Variants in IGF2BP2 observed in about 807,000 individuals in gnomAD.
The protein encoded by IGF2BP2 is insulin like growth factor 2 mRNA binding protein 2.
IGF2BP2 carries 17 observed loss-of-function variants against 75.8 expected under a neutral mutation model. The observed-to-expected ratio is 0.22, with a 90% confidence interval of 0.15 to 0.34. The LOEUF (loss-of-function observed/expected upper bound fraction) is 0.34, where lower values mean the gene tolerates loss of function less well. IGF2BP2 is among the 10% of genes least tolerant of loss of function. The pLI is 1.00. For synonymous variants in IGF2BP2, 288 were observed against 295.6 expected (o/e 0.97, Z 0.26); for missense variants, 516 against 772.4 (o/e 0.67, Z 3.93).
chr3:185,788,826 C>T (rs1013662021), intron 2 of IGF2BP2, among the ~76,000 whole-genome samples: 4 of 151,258 alleles, frequency 2.6e-5, no homozygotes, highest in Non-Finnish European at 4.4e-5. Flanking sequence ...AGTAATTCTG[C>T]CTCAGCCTCC....
chr3:185,730,616 T>C (rs1051293101), intron 2 of IGF2BP2, among the ~76,000 whole-genome samples: 1 of 152,014 alleles, frequency 6.6e-6, no homozygotes, highest in Non-Finnish European at 1.5e-5. Flanking sequence ...GTATTTTTAG[T>C]AGAGACCGGG....
intron 2 of IGF2BP2, among the ~76,000 whole-genome samples, chr3:185,807,006 T>C (rs1739112238): frequency 6.6e-6 from 1 of 152,226 alleles, no homozygotes; most frequent in Non-Finnish European, 1.5e-5. Flanking sequence ...TTTCCTCTTG[T>C]AGATCATGGC....
intron 7 of IGF2BP2, among the ~76,000 whole-genome samples, chr3:185,683,889 G>A (rs1004539308): frequency 1.1e-4 from 17 of 152,174 alleles, no homozygotes; most frequent in Admixed American, 7.9e-4. Flanking sequence ...GCTGAGGAAC[G>A]TAGAGCAGAA....
intron 2 of IGF2BP2, chr3:185,813,929 C>CACTTTT (rs1740256878): frequency 6.6e-6 from 1 of 152,276 alleles, no homozygotes; most frequent in South Asian, 2.1e-4. Context: ...GGTGTGAGGC[C>CACTTTT]TTAGAGAAAG....
intron 2 of IGF2BP2, among the ~76,000 whole-genome samples, chr3:185,748,936 G>A (rs184592290): frequency 3.9e-5 from 6 of 152,350 alleles, no homozygotes; most frequent in Admixed American, 2.0e-4. Context: ...GGCCGAGGCA[G>A]GCTGATCACT....
At chr3:185,781,056 A>C (rs1250534981) in intron 2 of IGF2BP2, among the ~76,000 whole-genome samples, 2 of 152,140 alleles carry the variant, frequency 1.3e-5, no homozygotes, top group Non-Finnish European at 2.9e-5. Flanking sequence ...TAATATGTAC[A>C]CTTTGGGGCT....
intron 2 of IGF2BP2, among the ~76,000 whole-genome samples, chr3:185,701,926 A>G (rs543508865): frequency 1.3e-5 from 2 of 152,252 alleles, no homozygotes; most frequent in East Asian, 3.9e-4. Context: ...TCTGGACAGT[A>G]TGCCTTCTCA....
chr3:185,772,308 T>C (rs1017836682), intron 2 of IGF2BP2, among the ~76,000 whole-genome samples: 5 of 152,202 alleles, frequency 3.3e-5, no homozygotes, highest in African/African-American at 1.2e-4. Context: ...TTTTATTCAG[T>C]GGGCTGTTCT....
At chr3:185,648,010 C>T (rs1402495847) in intron 14 of IGF2BP2, among the ~76,000 whole-genome samples, 2 of 152,256 alleles carry the variant, frequency 1.3e-5, no homozygotes, top group Non-Finnish European at 2.9e-5. Flanking sequence ...TACATTCCAG[C>T]TCCGCCTAAA....
At chr3:185,803,546 G>A (rs1578361436) in intron 2 of IGF2BP2, among the ~76,000 whole-genome samples, 1 of 152,088 alleles carries the variant, frequency 6.6e-6, no homozygotes, top group Non-Finnish European at 1.5e-5. Flanking sequence ...TAAATTAAAC[G>A]TTTTTGAATG....
At chr3:185,805,748 A>C (rs1486909697) in intron 2 of IGF2BP2, among the ~76,000 whole-genome samples, 1 of 151,776 alleles carries the variant, frequency 6.6e-6, no homozygotes, top group Non-Finnish European at 1.5e-5. Context: ...ACTCGGGAAG[A>C]TTACAAAAAT....
chr3:185,674,520 A>T (rs1389452074), intron 9 of IGF2BP2, among the ~76,000 whole-genome samples: 3 of 152,230 alleles, frequency 2.0e-5, no homozygotes, highest in African/African-American at 7.2e-5. Context: ...GGTAGCAATC[A>T]CAGGAAGGAC....
At chr3:185,816,832 C>A (rs1450944384) in intron 2 of IGF2BP2, among the ~76,000 whole-genome samples, 2 of 152,170 alleles carry the variant, frequency 1.3e-5, no homozygotes, top group Admixed American at 6.5e-5. Flanking sequence ...AATACTACTA[C>A]CATTGTTTAA....
chr3:185,757,410 T>C (rs576161326), intron 2 of IGF2BP2, among the ~76,000 whole-genome samples: 1 of 152,024 alleles, frequency 6.6e-6, no homozygotes, highest in East Asian at 1.9e-4. Flanking sequence ...TCTCCATGAG[T>C]CATATCTGTA....
chr3:185,681,458 T>A (rs756727642), intron 7 of IGF2BP2, among the ~76,000 whole-genome samples: 1 of 152,192 alleles, frequency 6.6e-6, no homozygotes, highest in African/African-American at 2.4e-5. Context: ...TGGAAAGACA[T>A]CCTGTGTTCA....
At chr3:185,721,991 T>C (rs1726618106) in intron 2 of IGF2BP2, 2 of 261,456 alleles carry the variant, frequency 7.6e-6, no homozygotes, top group Admixed American at 5.3e-5. Flanking sequence ...TTAGAAACTT[T>C]CAGGTGGCAA....
Position 185,710,388 on chromosome 3 carries a change from C to T in IGF2BP2, c.240-12041G>A, listed in dbSNP as rs574995984. On this transcript the variant is annotated intron_variant, in intron 2 of 15. Transcript: ENST00000382199. The stretch of plus-strand genomic sequence containing the variant: ...CTTTTCCCAACACGCAGAGTCTGCC[C>T]CTTGGCCCCTGAAGTTTCCTCTGTT... 4.5e-4 allele frequency among the ~76,000 whole-genome samples: 68 copies of T among 152,106 alleles called. 2 individuals carry two copies. The South Asian group carries it at 0.011, about 25-fold the overall frequency.
At chr3:185,820,204 A>ATGTG (rs377455853) in intron 2 of IGF2BP2, among the ~76,000 whole-genome samples, 27 of 137,138 alleles carry the variant, frequency 2.0e-4, no homozygotes, top group African/African-American at 4.8e-4. Context: ...GGCATGCAGT[A>ATGTG]TGTGTGTGTG....
chr3:185,647,064 T>C lies in IGF2BP2; in HGVS notation c.1668A>G (p.Glu556=). The C allele has an allele frequency of 6.2e-7, 1 of 1,614,104 alleles. No homozygotes were observed. Among genetic ancestry groups the C allele is most frequent in the Non-Finnish European group, 8.5e-7 (1 of 1,179,974 alleles). Residue 556 remains glutamate, a synonymous_variant, in exon 15 of 16, where the codon GAA becomes GAG. Coordinates refer to ENST00000382199, the MANE Select transcript of IGF2BP2 (RefSeq NM_006548.6). This position sits in a 1 kb window ranked among gnomAD's most constrained non-coding sequence, Gnocchi z 4.9. ...AGTGCCCGATAATTCTGACGATCAC[T>C]TCCTCATTTTCATCTGGCGTTTGGT... ...PRDQTPDENE[E]VIVRIIGHFF...
Sources: gnomAD v4.1 joint callset for allele counts (sites outside exome capture counted in the v4.1 genomes callset) on GRCh38, gnomAD v4.1.1 for gene constraint, Gnocchi (gnomAD v3.1) non-coding constraint, MANE v1.5 for transcripts, NCBI Gene and HGNC (gene_info 2026-07-23, HGNC 2026-07-21) for gene names.